The following DOCK1 variants were observed in gnomAD, a reference collection of about 807,000 sequenced individuals.
DOCK1 encodes dedicator of cytokinesis 1.
A neutral mutation model predicts 262.7 loss-of-function variants in DOCK1; 138 were observed. The observed-to-expected ratio is 0.53, with a 90% CI of 0.46 to 0.61. DOCK1 has a LOEUF of 0.61. Ranked by LOEUF, DOCK1 falls within the 20% of genes least tolerant of loss-of-function variation. The probability of loss-of-function intolerance (pLI) is 0.00; values close to 1 mark genes in which losing one functional copy is unlikely to be tolerated. For missense variants in DOCK1, 1,908 were observed against 2,370.7 expected (o/e 0.80, Z 4.05); for synonymous variants, 866 against 867.4 (o/e 1.00, Z 0.03).
intron 22 of DOCK1, among the ~76,000 whole-genome samples, chr10:127,060,335 G>C (rs2045448761): frequency 6.6e-6 from 1 of 152,024 alleles, no homozygotes; most frequent in Admixed American, 6.6e-5. Context: ...CATTTTAATT[G>C]TTTGGTACAT....
intron 23 of DOCK1, among the ~76,000 whole-genome samples, chr10:127,081,486 C>T (rs1480538510): frequency 6.6e-6 from 1 of 151,924 alleles, no homozygotes; most frequent in Non-Finnish European, 1.5e-5. Flanking sequence ...CCCCTGGGTC[C>T]CCTCCTTACA....
intron 35 of DOCK1, among the ~76,000 whole-genome samples, chr10:127,377,906 A>G (rs2065600684): frequency 6.6e-6 from 1 of 151,686 alleles, no homozygotes; most frequent in Non-Finnish European, 1.5e-5. Context: ...AAAAAAAAAA[A>G]AAAGAAGAAA....
intron 23 of DOCK1, among the ~76,000 whole-genome samples, chr10:127,088,473 G>T (rs1384706538): frequency 6.6e-6 from 1 of 152,116 alleles, no homozygotes; most frequent in Non-Finnish European, 1.5e-5. Flanking sequence ...GTTTGTCCTG[G>T]ATATATGTCT....
chr10:127,263,709 T>C (rs2060258956), intron 29 of DOCK1, among the ~76,000 whole-genome samples: 1 of 140,802 alleles, frequency 7.1e-6, no homozygotes, highest in Admixed American at 7.5e-5. Flanking sequence ...CTGGAACTCT[T>C]ATTAGCTGAC....
intron 27 of DOCK1, among the ~76,000 whole-genome samples, chr10:127,155,879 G>A (rs561171199): frequency 6.6e-6 from 1 of 152,316 alleles, no homozygotes; most frequent in African/African-American, 2.4e-5. Flanking sequence ...CAATGGCACG[G>A]TCCACGCTGA....
intron 46 of DOCK1, among the ~76,000 whole-genome samples, chr10:127,424,330 T>C (rs879560004): frequency 1.3e-5 from 2 of 152,206 alleles, no homozygotes; most frequent in African/African-American, 2.4e-5. Flanking sequence ...GTCTTAACTC[T>C]CATCTGACAA....
At position 127,176,125 on chromosome 10, in the gene DOCK1, G is replaced by A. The variant is rs928320163; in HGVS notation, c.2847+48361G>A. ...ACGTTGGGGATGGACCTGCGTGCGG[G>A]CACTGTCATGTATTTGCGGTAGGCT... On this transcript the variant is annotated intron_variant, in intron 27 of 51. Transcript: ENST00000623213. This position sits in a 1 kb window ranked among gnomAD's most constrained non-coding sequence, Gnocchi z 4.4. 6.2e-7 allele frequency: 1 copy of A among 1,614,124 alleles called. No homozygotes were observed. Among genetic ancestry groups the A allele is most frequent in the East Asian group, 2.2e-5 (1 of 44,840 alleles).
chr10:126,914,402 TTTTA>T (rs2032223499), intron 1 of DOCK1, among the ~76,000 whole-genome samples: 1 of 143,494 alleles, frequency 7.0e-6, no homozygotes, highest in African/African-American at 3.0e-5. Flanking sequence ...TTAAATTTTA[TTTTA>T]TTTATTTATT....
At chr10:127,222,802 A>C (rs1456158202) in intron 27 of DOCK1, among the ~76,000 whole-genome samples, 1 of 94,932 alleles carries the variant, frequency 1.1e-5, no homozygotes, top group African/African-American at 3.2e-5. Context: ...AGTAGCTGGG[A>C]CTACAAGCAC....
chr10:127,279,332 A>G (rs770135535), intron 29 of DOCK1, among the ~76,000 whole-genome samples: 1 of 152,232 alleles, frequency 6.6e-6, no homozygotes, highest in Non-Finnish European at 1.5e-5. Flanking sequence ...ATAAGAGGGC[A>G]GGTCATATGA....
chr10:127,090,931 A>G (rs1487361714), intron 23 of DOCK1, among the ~76,000 whole-genome samples: 1 of 151,142 alleles, frequency 6.6e-6, no homozygotes, highest in Non-Finnish European at 1.5e-5. Flanking sequence ...GCTGTAGCGT[A>G]TAGAGCTGCT....
intron 27 of DOCK1, among the ~76,000 whole-genome samples, chr10:127,159,681 T>C (rs975661323): frequency 3.3e-5 from 5 of 152,186 alleles, no homozygotes; most frequent in African/African-American, 1.2e-4. Flanking sequence ...TTTTCAGTTA[T>C]TCCTTTTACG....
At position 127,043,172 on chromosome 10, in the gene DOCK1, C is replaced by T; in HGVS notation, c.2201+8C>T. 11 of 1,593,278 alleles carry T rather than the reference C, an allele frequency of 6.9e-6. No individual in the cohort carries two copies. The highest frequency in any genetic ancestry group is 8.6e-6 in the Non-Finnish European group (10 of 1,167,162). On this transcript the variant is annotated splice_region_variant and intron_variant, in intron 21 of 51. Coordinates refer to ENST00000623213, the MANE Select transcript of DOCK1 (RefSeq NM_001290223.2). ...TGCAACGTTAGCCTACACGTAAGTTCCTACTTTGTTTTAAAACCAATACTT... is the reference window on the plus strand; with the variant it reads ...TGCAACGTTAGCCTACACGTAAGTTTCTACTTTGTTTTAAAACCAATACTT...
intron 11 of DOCK1, among the ~76,000 whole-genome samples, chr10:127,009,274 T>C (rs2041253217): frequency 6.6e-6 from 1 of 152,236 alleles, no homozygotes; most frequent in Admixed American, 6.5e-5. Context: ...TCTCGGTTTT[T>C]GCTTAGAGTG....
intron 29 of DOCK1, among the ~76,000 whole-genome samples, chr10:127,315,591 C>T (rs1200900049): frequency 6.6e-6 from 1 of 152,180 alleles, no homozygotes; most frequent in East Asian, 1.9e-4. Flanking sequence ...AGCCCCACTA[C>T]CTGTGGCCTT....
chr10:127,243,534 C>G (rs533800139), intron 27 of DOCK1, among the ~76,000 whole-genome samples: 1 of 152,082 alleles, frequency 6.6e-6, no homozygotes, highest in South Asian at 2.1e-4. Flanking sequence ...CTTCCTTCTA[C>G]CTGTGCTCAG....
At chr10:127,283,697 C>T (rs756159597) in intron 29 of DOCK1, among the ~76,000 whole-genome samples, 12 of 152,202 alleles carry the variant, frequency 7.9e-5, no homozygotes, top group Non-Finnish European at 1.6e-4. Flanking sequence ...TTCCATGTTA[C>T]TCCAGCATTT....
rs1404707230 is a variant in DOCK1, at chr10:127,127,784, T to C, written c.2847+20T>C. ...CTCATTGTAAGTGCTTGGTGACATA[T>C]GTTTGGATATTTAACTGGGGCTGAC... On this transcript the variant is annotated intron_variant, in intron 27 of 51. Transcript: ENST00000623213. 6.3e-7 allele frequency: 1 copy of C among 1,599,002 alleles called. No homozygotes were observed.
chr10:127,068,516 T>TAG (rs3070183), intron 23 of DOCK1, among the ~76,000 whole-genome samples: 140,249 of 152,168 alleles, frequency 0.92, 64,634 homozygotes, highest in Admixed American at 0.95. Context: ...CAAGTCCTGG[T>TAG]TTGCATTAAA....
Sources: gnomAD v4.1 joint callset for allele counts (sites outside exome capture counted in the v4.1 genomes callset) on GRCh38, gnomAD v4.1.1 for gene constraint, Gnocchi (gnomAD v3.1) non-coding constraint, MANE v1.5 for transcripts, NCBI Gene and HGNC (gene_info 2026-07-23, HGNC 2026-07-21) for gene names.